PBX1: variants seen among roughly 807,000 people sequenced by gnomAD.
PBX1 encodes the protein pre-B-cell leukemia transcription factor 1.
PBX1 carries 6 observed loss-of-function variants against 53.4 expected under a neutral mutation model. The ratio of observed to expected loss-of-function variants is 0.11; its 90% CI spans 0.06 to 0.22. PBX1 has a LOEUF of 0.22. PBX1 is among the 10% of genes least tolerant of loss of function. The probability of loss-of-function intolerance (pLI) is 1.00; values close to 1 mark genes in which losing one functional copy is unlikely to be tolerated. For synonymous variants in PBX1, 204 were observed against 212.3 expected (o/e 0.96, Z 0.34); for missense variants, 251 against 551.4 (o/e 0.46, Z 5.46).
intron 6 of PBX1, among the ~76,000 whole-genome samples, chr1:164,812,403 A>G (rs1208318023): frequency 6.6e-6 from 1 of 152,160 alleles, no homozygotes; most frequent in Non-Finnish European, 1.5e-5. Context: ...GACCAAAGTA[A>G]ATTGGTTAGC....
At chr1:164,577,602 ATTC>A (rs1337790215) in intron 2 of PBX1, among the ~76,000 whole-genome samples, 1 of 152,196 alleles carries the variant, frequency 6.6e-6, no homozygotes, top group Non-Finnish European at 1.5e-5. Context: ...TGTGATTATT[ATTC>A]TTAAGTGTAT....
At chr1:164,632,745 A>T (rs1000652851) in intron 2 of PBX1, among the ~76,000 whole-genome samples, 3 of 152,156 alleles carry the variant, frequency 2.0e-5, no homozygotes, top group Non-Finnish European at 4.4e-5. Context: ...CACATTGGAC[A>T]TGTGGTATTT....
intron 4 of PBX1, among the ~76,000 whole-genome samples, chr1:164,802,349 G>A (rs1229173609): frequency 6.6e-6 from 1 of 152,134 alleles, no homozygotes; most frequent in Non-Finnish European, 1.5e-5. Context: ...CTGTGATCTC[G>A]TCTGAGGCTC....
intron 1 of PBX1, chr1:164,560,359 G>C: frequency 5.0e-6 from 2 of 397,452 alleles, no homozygotes. Flanking sequence ...AAAAGTATCA[G>C]AGAAAGCAGA....
intron 8 of PBX1, among the ~76,000 whole-genome samples, chr1:164,841,797 C>T (rs943499400): frequency 2.0e-5 from 3 of 151,928 alleles, no homozygotes; most frequent in Non-Finnish European, 4.4e-5. Context: ...AGGATGCATC[C>T]GTGTCTCTGT....
chr1:164,788,032 C>T (rs2102291129), intron 2 of PBX1, among the ~76,000 whole-genome samples: 1 of 151,900 alleles, frequency 6.6e-6, no homozygotes, highest in East Asian at 1.9e-4. Flanking sequence ...GGGATTTGGC[C>T]CTTTAAAACC....
At chr1:164,736,139 T>A (rs1665256407) in intron 2 of PBX1, among the ~76,000 whole-genome samples, 1 of 152,156 alleles carries the variant, frequency 6.6e-6, no homozygotes, top group Non-Finnish European at 1.5e-5. Flanking sequence ...TCCAGCCTCT[T>A]CCCACTGCAG....
At chr1:164,791,381 A>T (rs4657374) in intron 2 of PBX1, among the ~76,000 whole-genome samples, 39,873 of 152,002 alleles carry the variant, frequency 0.26, 5,518 homozygotes, top group South Asian at 0.32. Context: ...CTTCCCTGAA[A>T]CCCTGGAGAC....
intron 2 of PBX1, among the ~76,000 whole-genome samples, chr1:164,615,971 A>G (rs1047734881): frequency 6.6e-6 from 1 of 152,194 alleles, no homozygotes; most frequent in African/African-American, 2.4e-5. Flanking sequence ...GTGTTTGGTT[A>G]CAGAGGTGCC....
At chr1:164,605,056 G>A (rs138857251) in intron 2 of PBX1, 2 of 152,266 alleles carry the variant, frequency 1.3e-5, no homozygotes, top group Non-Finnish European at 2.9e-5. Context: ...TTCTTGTGGG[G>A]CAGTCAAAGA....
intron 2 of PBX1, among the ~76,000 whole-genome samples, chr1:164,754,082 C>T: frequency 6.6e-6 from 1 of 152,086 alleles, no homozygotes; most frequent in East Asian, 1.9e-4. Context: ...GTGGACTGAG[C>T]AGGTGGGGGA....
intron 2 of PBX1, among the ~76,000 whole-genome samples, chr1:164,670,303 C>A (rs899849757): frequency 6.6e-6 from 1 of 152,142 alleles, no homozygotes; most frequent in African/African-American, 2.4e-5. Context: ...AACCTGGAGG[C>A]CAGGGATTTT....
chr1:164,663,160 GCCTGCCTTCCTT>G (rs911256140), intron 2 of PBX1, among the ~76,000 whole-genome samples: 6 of 143,432 alleles, frequency 4.2e-5, no homozygotes, highest in South Asian at 2.3e-4. Context: ...CTTCTTGCCT[GCCTGCCTTCCTT>G]CCTGCCTTCC....
chr1:164,800,712 T>C (rs376392645), intron 4 of PBX1, among the ~76,000 whole-genome samples: 10 of 152,246 alleles, frequency 6.6e-5, no homozygotes, highest in African/African-American at 1.9e-4. Context: ...TGATAATTCA[T>C]CTAGCAAATA....
chr1:164,613,969 A>G lies in PBX1; in HGVS notation c.265+50658A>G, dbSNP rs557166574. On this transcript the variant is annotated intron_variant, in intron 2 of 8. Coordinates refer to ENST00000420696, the MANE Select transcript of PBX1 (RefSeq NM_002585.4). Reference sequence around the variant, plus strand: ...TCTGGCATGTACTTATTGCTTTGCTAGTAAAGCAGCACTTGAGCAGATCAA... The same window carrying G: ...TCTGGCATGTACTTATTGCTTTGCTGGTAAAGCAGCACTTGAGCAGATCAA... 2.0e-5 allele frequency among the ~76,000 whole-genome samples: 3 copies of G among 152,076 alleles called. No individual in the cohort carries two copies. In the East Asian group the frequency reaches 5.8e-4, roughly 30 times the overall value.
intron 2 of PBX1, among the ~76,000 whole-genome samples, chr1:164,863,220 A>G (rs1339298742): frequency 1.3e-5 from 2 of 152,250 alleles, no homozygotes; most frequent in African/African-American, 4.8e-5. Context: ...TCGGTTTTAC[A>G]TTGTAGCTGC....
At position 164,636,032 on chromosome 1, in the gene PBX1, G is replaced by A. The variant is rs532179438; in HGVS notation, c.265+72721G>A. On this transcript the variant is annotated intron_variant, in intron 2 of 8. Coordinates refer to ENST00000420696, the MANE Select transcript of PBX1 (RefSeq NM_002585.4). ...GGACTTTGATCAGCCAACAATGGGC[G>A]TTGCAAGCTCCCCAGTCCCTGCCTG... is the stretch of plus-strand genomic sequence containing the variant. Among the ~76,000 whole-genome samples the A allele has an allele frequency of 5.9e-5, 9 of 152,182 alleles. No individual in the cohort carries two copies. The East Asian group carries it at 7.7e-4, about 13-fold the overall frequency.
At chr1:164,731,821 G>A (rs1408426373) in intron 2 of PBX1, among the ~76,000 whole-genome samples, 1 of 152,218 alleles carries the variant, frequency 6.6e-6, no homozygotes, top group Non-Finnish European at 1.5e-5. Context: ...ACAGAAGTGA[G>A]CATGAGCTCG....
intron 2 of PBX1, among the ~76,000 whole-genome samples, chr1:164,867,049 A>C (rs1469013167): frequency 2.6e-5 from 4 of 152,236 alleles, no homozygotes; most frequent in Admixed American, 6.5e-5. Context: ...AAAAGAGTCC[A>C]CAGTGGAGAT....
Sources: gnomAD v4.1 joint callset for allele counts (sites outside exome capture counted in the v4.1 genomes callset) on GRCh38, gnomAD v4.1.1 for gene constraint, MANE v1.5 for transcripts, NCBI Gene and HGNC (gene_info 2026-07-23, HGNC 2026-07-21) for gene names.